Variants in CSMD1 observed in about 807,000 individuals in gnomAD.
CSMD1 encodes the protein CUB and sushi domain-containing protein 1.
Under a neutral mutation model 417.5 loss-of-function variants are expected in CSMD1, and 213 were observed. That is an observed-to-expected ratio of 0.51 (90% confidence interval 0.46 to 0.57). The LOEUF (loss-of-function observed/expected upper bound fraction) is 0.57, where lower values mean the gene tolerates loss of function less well. Ranked by LOEUF, CSMD1 falls within the 20% of genes least tolerant of loss-of-function variation. The pLI is 0.00. For missense variants in CSMD1, 6,923 were observed against 4,529.7 expected (o/e 1.53, Z -15.17); for synonymous variants, 2,862 against 1,736.8 (o/e 1.65, Z -16.11).
chr8:4,471,696 C>T (rs1800543011), intron 2 of CSMD1, among the ~76,000 whole-genome samples: 1 of 151,974 alleles, frequency 6.6e-6, no homozygotes, highest in Admixed American at 6.6e-5. Context: ...GCAGAGAGAA[C>T]ACGACCCATC....
chr8:4,301,395 T>C (rs558849897), intron 3 of CSMD1, among the ~76,000 whole-genome samples: 1 of 152,166 alleles, frequency 6.6e-6, no homozygotes, highest in East Asian at 1.9e-4. Flanking sequence ...TTTGATTCTG[T>C]TGTGTCTCCA....
chr8:4,505,573 G>T (rs190219539), intron 2 of CSMD1, among the ~76,000 whole-genome samples: 3 of 152,048 alleles, frequency 2.0e-5, no homozygotes, highest in Non-Finnish European at 4.4e-5. Flanking sequence ...TATTGGAATG[G>T]ATTTCTTACT....
chr8:3,084,617 C>A (rs959711405), intron 49 of CSMD1, among the ~76,000 whole-genome samples: 1 of 151,410 alleles, frequency 6.6e-6, no homozygotes, highest in Non-Finnish European at 1.5e-5. Flanking sequence ...TTGTTGCACA[C>A]TACAAAAATC....
intron 5 of CSMD1, among the ~76,000 whole-genome samples, chr8:3,986,900 G>A (rs2554518): frequency 0.25 from 38,697 of 151,762 alleles, 4,980 homozygotes; most frequent in East Asian, 0.38. Context: ...GATTGCAGGT[G>A]CACGCCACCA....
At chr8:4,540,501 C>T (rs527326933) in intron 2 of CSMD1, among the ~76,000 whole-genome samples, 3 of 152,052 alleles carry the variant, frequency 2.0e-5, no homozygotes, top group African/African-American at 7.3e-5. Context: ...CCCAGGAGTT[C>T]CAGACCAGCC....
At chr8:3,057,980 C>T (rs187739195) in intron 49 of CSMD1, among the ~76,000 whole-genome samples, 267 of 152,300 alleles carry the variant, frequency 1.8e-3, no homozygotes, top group African/African-American at 6.1e-3. Context: ...AGCAGACCCT[C>T]GCCAAGTATC....
At chr8:4,024,013 G>A (rs1425792282) in intron 4 of CSMD1, among the ~76,000 whole-genome samples, 2 of 151,938 alleles carry the variant, frequency 1.3e-5, no homozygotes, top group Non-Finnish European at 2.9e-5. Flanking sequence ...ATTTGACACT[G>A]CAAAGGTTCT....
chr8:3,244,140 G>C (rs1249780546), intron 26 of CSMD1, among the ~76,000 whole-genome samples: 1 of 152,196 alleles, frequency 6.6e-6, no homozygotes, highest in Non-Finnish European at 1.5e-5. Context: ...CGTTCAACAC[G>C]TGAAGGAAAG....
At chr8:3,921,245 G>C (rs1242303901) in intron 5 of CSMD1, among the ~76,000 whole-genome samples, 4 of 152,020 alleles carry the variant, frequency 2.6e-5, no homozygotes, top group African/African-American at 9.7e-5. Flanking sequence ...TTATATTTCT[G>C]TAATACCTGT....
chr8:4,851,312 G>T (rs564461195), intron 1 of CSMD1, among the ~76,000 whole-genome samples: 2 of 152,130 alleles, frequency 1.3e-5, no homozygotes, highest in South Asian at 4.2e-4. Flanking sequence ...ATTCTATGGT[G>T]TATACATGCC....
chr8:4,096,147 T>C (rs575258715), intron 3 of CSMD1, among the ~76,000 whole-genome samples: 20 of 152,154 alleles, frequency 1.3e-4, no homozygotes, highest in Non-Finnish European at 2.4e-4. Flanking sequence ...TGTTCTATAA[T>C]AGGTGAGGGC....
chr8:3,835,089 G>A (rs572490975), intron 5 of CSMD1, among the ~76,000 whole-genome samples: 39 of 149,220 alleles, frequency 2.6e-4, no homozygotes, highest in Non-Finnish European at 5.0e-4. Context: ...AGAGGATGTA[G>A]AGAAATAGGA....
At chr8:3,601,730 A>C (rs1007824276) in intron 8 of CSMD1, among the ~76,000 whole-genome samples, 29 of 152,220 alleles carry the variant, frequency 1.9e-4, no homozygotes, top group African/African-American at 6.5e-4. Flanking sequence ...AGCAGTGAAC[A>C]TTGAATAACA....
chr8:4,529,544 G>A (rs1467429961), intron 2 of CSMD1, among the ~76,000 whole-genome samples: 2 of 152,120 alleles, frequency 1.3e-5, no homozygotes, highest in African/African-American at 4.8e-5. Context: ...ATTATTGACA[G>A]GGTAAATATA....
chr8:4,298,920 A>T (rs1167464402), intron 3 of CSMD1, among the ~76,000 whole-genome samples: 1 of 152,088 alleles, frequency 6.6e-6, no homozygotes, highest in East Asian at 1.9e-4. Context: ...ATATATACAC[A>T]CATAAATACA....
intron 7 of CSMD1, among the ~76,000 whole-genome samples, chr8:3,688,762 T>C (rs534227408): frequency 5.3e-5 from 8 of 152,286 alleles, no homozygotes; most frequent in African/African-American, 1.2e-4. Flanking sequence ...AACTGTAGCA[T>C]AATACGGATT....
At chr8:4,229,713 G>C (rs565400496) in intron 3 of CSMD1, among the ~76,000 whole-genome samples, 5 of 151,962 alleles carry the variant, frequency 3.3e-5, no homozygotes, top group Admixed American at 6.6e-5. Flanking sequence ...CCTTCCTCTT[G>C]CTTGACCCAC....
chr8:3,783,455 C>T (rs1431583255), intron 5 of CSMD1, among the ~76,000 whole-genome samples: 1 of 152,190 alleles, frequency 6.6e-6, no homozygotes, highest in African/African-American at 2.4e-5. Flanking sequence ...GTCGGGAGCA[C>T]AGAAGCATTG....
At chr8:4,722,288 G>A (rs1329441980) in intron 1 of CSMD1, among the ~76,000 whole-genome samples, 1 of 151,928 alleles carries the variant, frequency 6.6e-6, no homozygotes, top group Non-Finnish European at 1.5e-5. Context: ...AATACAGACT[G>A]CAAGAAAGAG....
Sources: allele counts gnomAD v4.1 joint callset (sites outside exome capture counted in the v4.1 genomes callset), GRCh38; gene constraint gnomAD v4.1.1; transcripts MANE v1.5; gene names NCBI Gene and HGNC (gene_info 2026-07-23, HGNC 2026-07-21).